The following NCKAP5 variants were observed in gnomAD, a reference collection of about 807,000 sequenced individuals.
NCKAP5 encodes the protein nck-associated protein 5.
NCKAP5 carries 92 observed loss-of-function variants against 167.0 expected under a neutral mutation model. The observed-to-expected ratio is 0.55, with a 90% confidence interval of 0.47 to 0.66. NCKAP5 has a LOEUF of 0.66. Ranked by LOEUF, NCKAP5 falls within the 30% of genes least tolerant of loss-of-function variation. The pLI, the probability that NCKAP5 is intolerant of heterozygous loss-of-function variation, is 0.00. For missense variants in NCKAP5, 2,378 were observed against 2,315.0 expected (o/e 1.03, Z -0.56); for synonymous variants, 891 against 877.4 (o/e 1.02, Z -0.27).
intron 8 of NCKAP5, among the ~76,000 whole-genome samples, chr2:132,957,355 A>T (rs999089733): frequency 1.3e-5 from 2 of 152,164 alleles, no homozygotes; most frequent in Non-Finnish European, 2.9e-5. Context: ...TTACTTCTGA[A>T]ATATATTATC....
At chr2:133,136,462 C>T (rs772615723) in intron 5 of NCKAP5, among the ~76,000 whole-genome samples, 28 of 152,212 alleles carry the variant, frequency 1.8e-4, no homozygotes, top group Non-Finnish European at 3.7e-4. Flanking sequence ...GCTCCAAGCC[C>T]TCCGTGAGTC....
At chr2:133,442,084 T>C (rs1690895522) in intron 3 of NCKAP5, among the ~76,000 whole-genome samples, 1 of 152,162 alleles carries the variant, frequency 6.6e-6, no homozygotes, top group Non-Finnish European at 1.5e-5. Context: ...ATCCAGAATG[T>C]GGAGAACAGC....
chr2:132,734,250 A>G (rs1195042386), intron 16 of NCKAP5, among the ~76,000 whole-genome samples: 2 of 152,210 alleles, frequency 1.3e-5, no homozygotes, highest in Non-Finnish European at 2.9e-5. Context: ...GCACTGCCAG[A>G]TGAGTCAAAG....
chr2:133,057,663 GT>G (rs1160554440), intron 6 of NCKAP5, among the ~76,000 whole-genome samples: 1 of 152,210 alleles, frequency 6.6e-6, no homozygotes, highest in African/African-American at 2.4e-5. Flanking sequence ...GCATAGAGTA[GT>G]TCATGAGGTT....
chr2:132,758,111 G>C (rs1186634114), intron 16 of NCKAP5, among the ~76,000 whole-genome samples: 5 of 152,212 alleles, frequency 3.3e-5, no homozygotes, highest in Non-Finnish European at 7.3e-5. Flanking sequence ...AGATAGATTT[G>C]AGTTAGCCTC....
intron 8 of NCKAP5, among the ~76,000 whole-genome samples, chr2:132,896,341 C>T (rs1272215549): frequency 1.3e-5 from 2 of 152,152 alleles, no homozygotes; most frequent in Admixed American, 6.5e-5. Flanking sequence ...CAAGCAGCAA[C>T]GTTTGCTTTG....
At position 132,827,243 on chromosome 2, in the gene NCKAP5, T is replaced by C. The variant is rs142333650; in HGVS notation, c.808-30514A>G. 6.5e-3 allele frequency among the ~76,000 whole-genome samples: 991 copies of C among 152,306 alleles called. 13 individuals carry two copies. Among genetic ancestry groups the C allele is most frequent in the African/African-American group, 0.023 (941 of 41,560 alleles). ...TAATTTAAAAAAGAGCATTATTTTT[T>C]TCTTGTGACAAAATATATGTACAAC... On this transcript the variant is annotated intron_variant, in intron 11 of 19. Transcript: ENST00000409261.
At chr2:132,981,464 G>A (rs993505372) in intron 7 of NCKAP5, among the ~76,000 whole-genome samples, 1 of 152,218 alleles carries the variant, frequency 6.6e-6, no homozygotes, top group African/African-American at 2.4e-5. Flanking sequence ...CATGTGGCAT[G>A]TGACAAGCCC....
At chr2:133,033,262 G>A (rs886672311) in intron 6 of NCKAP5, among the ~76,000 whole-genome samples, 5 of 152,216 alleles carry the variant, frequency 3.3e-5, no homozygotes, top group African/African-American at 1.2e-4. Context: ...GACCATCAAG[G>A]TGGTACCTCT....
chr2:133,435,930 CA>C (rs1690448477), intron 3 of NCKAP5, among the ~76,000 whole-genome samples: 1 of 152,148 alleles, frequency 6.6e-6, no homozygotes, highest in Non-Finnish European at 1.5e-5. Flanking sequence ...TCTACGCGAT[CA>C]AAACTGAATT....
At position 133,328,094 on chromosome 2, in the gene NCKAP5, G is replaced by A. The variant is rs1007038103; in HGVS notation, c.70-24984C>T. ...ACCAACGTTGGGCCCCAAGTTACCC[G>A]ATTGGTAGAACCAAGATTTGAAAAA... On this transcript the variant is annotated intron_variant, in intron 3 of 19. Transcript: ENST00000409261. Among the ~76,000 whole-genome samples, 18 of 152,290 alleles carry A rather than the reference G, an allele frequency of 1.2e-4. No individual in the cohort carries two copies. In the East Asian group the frequency reaches 3.1e-3, roughly 26 times the overall value.
intron 3 of NCKAP5, among the ~76,000 whole-genome samples, chr2:133,444,782 T>A (rs1370196346): frequency 6.6e-6 from 1 of 152,178 alleles, no homozygotes; most frequent in African/African-American, 2.4e-5. Flanking sequence ...TCCTCTGAAC[T>A]CCAGGCCTGA....
At chr2:133,351,719 C>A (rs1305246897) in intron 3 of NCKAP5, among the ~76,000 whole-genome samples, 4 of 152,124 alleles carry the variant, frequency 2.6e-5, no homozygotes, top group Admixed American at 2.0e-4. Flanking sequence ...CTCCTTGCAG[C>A]AATCCAGGCC....
At chr2:133,366,380 G>A (rs1685457815) in intron 3 of NCKAP5, among the ~76,000 whole-genome samples, 1 of 152,164 alleles carries the variant, frequency 6.6e-6, no homozygotes, top group African/African-American at 2.4e-5. Context: ...TTGGCTCACT[G>A]TAACCTCTGC....
intron 7 of NCKAP5, among the ~76,000 whole-genome samples, chr2:132,990,075 A>T (rs962939739): frequency 3.9e-5 from 6 of 152,196 alleles, no homozygotes; most frequent in Non-Finnish European, 8.8e-5. Flanking sequence ...GGAACACAAG[A>T]TGCTCTGAGA....
chr2:133,064,904 C>T (rs959661192), intron 6 of NCKAP5, among the ~76,000 whole-genome samples: 2 of 152,172 alleles, frequency 1.3e-5, no homozygotes, highest in East Asian at 3.9e-4. Context: ...TGGACTACTC[C>T]ATCTGAGATG....
chr2:132,691,331 GT>G (rs1686699113), intron 19 of NCKAP5, among the ~76,000 whole-genome samples: 1 of 151,926 alleles, frequency 6.6e-6, no homozygotes, highest in Non-Finnish European at 1.5e-5. Flanking sequence ...TCCTCAGATG[GT>G]TTCCCTTTGC....
At chr2:133,320,743 A>T (rs1464789281) in intron 3 of NCKAP5, among the ~76,000 whole-genome samples, 1 of 152,090 alleles carries the variant, frequency 6.6e-6, no homozygotes, top group Non-Finnish European at 1.5e-5. Flanking sequence ...CAAACAAAAA[A>T]AAAGAAAAGA....
At chr2:132,752,636 T>G (rs1387351580) in intron 16 of NCKAP5, among the ~76,000 whole-genome samples, 1 of 152,234 alleles carries the variant, frequency 6.6e-6, no homozygotes, top group African/African-American at 2.4e-5. Flanking sequence ...CTAGTTGATA[T>G]TCTAATTATC....
Sources: gnomAD v4.1 joint callset for allele counts (sites outside exome capture counted in the v4.1 genomes callset) on GRCh38, gnomAD v4.1.1 for gene constraint, MANE v1.5 for transcripts, NCBI Gene and HGNC (gene_info 2026-07-23, HGNC 2026-07-21) for gene names.